The following PCDH9 variants were observed in gnomAD, a reference collection of about 807,000 sequenced individuals.
PCDH9 encodes the protein protocadherin 9.
PCDH9 carries 24 observed loss-of-function variants against 70.6 expected under a neutral mutation model. The observed-to-expected ratio is 0.34, with a 90% CI of 0.25 to 0.48. PCDH9 has a LOEUF of 0.48. Among genes scored for constraint, PCDH9 ranks in the 20% least tolerant of loss-of-function variants. The pLI, the probability that PCDH9 is intolerant of heterozygous loss-of-function variation, is 0.99. For missense variants in PCDH9, 1,281 were observed against 1,503.6 expected, an observed-to-expected ratio of 0.85 and a Z score of 2.45; for synonymous variants, 562 against 558.5, an observed-to-expected ratio of 1.01 and a Z score of -0.09.
chr13:66,575,026 A>C (rs1030631722), intron 4 of PCDH9, among the ~76,000 whole-genome samples: 2 of 151,910 alleles, frequency 1.3e-5, no homozygotes, highest in Non-Finnish European at 2.9e-5. Context: ...TACAAAAATT[A>C]CCTGGGCATG....
chr13:66,482,435 C>T (rs1281878105), intron 4 of PCDH9, among the ~76,000 whole-genome samples: 1 of 152,196 alleles, frequency 6.6e-6, no homozygotes, highest in Non-Finnish European at 1.5e-5. Context: ...GGAGACTTCT[C>T]ATGTTGCTCT....
At chr13:67,099,116 G>T (rs75826894) in intron 2 of PCDH9, among the ~76,000 whole-genome samples, 1 of 152,098 alleles carries the variant, frequency 6.6e-6, no homozygotes, top group Non-Finnish European at 1.5e-5. Flanking sequence ...AGTCACCAAA[G>T]AGTACAGTCA....
chr13:66,682,384 C>G (rs2078338957), intron 3 of PCDH9, among the ~76,000 whole-genome samples: 1 of 116,194 alleles, frequency 8.6e-6, no homozygotes, highest in South Asian at 2.8e-4. Context: ...ATCTATCTAT[C>G]TATCTATCTA....
chr13:67,190,302 G>T (rs976665283), intron 2 of PCDH9, among the ~76,000 whole-genome samples: 1 of 151,918 alleles, frequency 6.6e-6, no homozygotes, highest in South Asian at 2.1e-4. Context: ...AACAGGACAG[G>T]TAAAAACACT....
intron 4 of PCDH9, among the ~76,000 whole-genome samples, chr13:66,475,504 G>A (rs925458292): frequency 6.6e-5 from 10 of 152,092 alleles, no homozygotes; most frequent in Non-Finnish European, 1.2e-4. Context: ...CCATTTGGAA[G>A]TAACATACTA....
Position 66,989,244 on chromosome 13 carries a change from A to AT in PCDH9, c.3037-85640dup, listed in dbSNP as rs546891311. ...TGGGATGTGGAATATTTTAAAAGTC[A>AT]TTTTATAGATAAGTTTATGGTTATC... On this transcript the variant is annotated intron_variant, in intron 2 of 4. Coordinates refer to ENST00000377865, the MANE Select transcript of PCDH9 (RefSeq NM_203487.3). Among the ~76,000 whole-genome samples the AT allele has an allele frequency of 2.4e-4, 37 of 152,084 alleles. 1 individual carries two copies. The highest frequency in any genetic ancestry group is 1.2e-3 in the Admixed American group (18 of 15,254).
chr13:66,982,628 C>T (rs777981738), intron 2 of PCDH9, among the ~76,000 whole-genome samples: 6 of 152,150 alleles, frequency 3.9e-5, no homozygotes, highest in Non-Finnish European at 7.4e-5. Flanking sequence ...AAGTCTTCCT[C>T]TCAGAAATGT....
intron 2 of PCDH9, chr13:67,218,542 T>C (rs1385715241): frequency 6.6e-6 from 1 of 152,052 alleles, no homozygotes; most frequent in African/African-American, 2.4e-5. Context: ...CAGAGAGTGG[T>C]TATTAACAAA....
chr13:66,812,701 ACAAGGACTAATCTTATGAC>A (rs1254047132), intron 3 of PCDH9, among the ~76,000 whole-genome samples: 1 of 152,244 alleles, frequency 6.6e-6, no homozygotes, highest in Non-Finnish European at 1.5e-5. Context: ...AACATACATA[ACAAGGACTAATCTTATGAC>A]CAAGTGACCA....
At chr13:66,983,350 T>G (rs1424917018) in intron 2 of PCDH9, among the ~76,000 whole-genome samples, 4 of 152,140 alleles carry the variant, frequency 2.6e-5, no homozygotes, top group Non-Finnish European at 5.9e-5. Context: ...TGCCGATTAC[T>G]TACAATGAAA....
intron 2 of PCDH9, among the ~76,000 whole-genome samples, chr13:66,918,248 GCA>G (rs2082586788): frequency 6.6e-6 from 1 of 150,864 alleles, no homozygotes; most frequent in Non-Finnish European, 1.5e-5. Flanking sequence ...GGAGAGAGAG[GCA>G]CAGAGAAAAA....
intron 4 of PCDH9, among the ~76,000 whole-genome samples, chr13:66,574,314 G>A (rs2076780895): frequency 6.6e-6 from 1 of 152,104 alleles, no homozygotes; most frequent in Non-Finnish European, 1.5e-5. Flanking sequence ...TTGCCTCCCT[G>A]CTTCCACAAT....
intron 4 of PCDH9, among the ~76,000 whole-genome samples, chr13:66,468,675 A>T (rs1418105511): frequency 2.0e-5 from 3 of 152,196 alleles, no homozygotes; most frequent in Non-Finnish European, 2.9e-5. Context: ...AACCTGGATG[A>T]TAACATAATC....
intron 2 of PCDH9, among the ~76,000 whole-genome samples, chr13:67,125,102 T>C (rs1287724708): frequency 6.6e-6 from 1 of 152,168 alleles, no homozygotes; most frequent in Non-Finnish European, 1.5e-5. Flanking sequence ...TGAGTTTCCT[T>C]GAATATAAAA....
chr13:66,543,566 C>CAAAA (rs200986497), intron 4 of PCDH9, among the ~76,000 whole-genome samples: 5 of 134,736 alleles, frequency 3.7e-5, no homozygotes, highest in Non-Finnish European at 6.4e-5. Flanking sequence ...GACTCCGTTT[C>CAAAA]AAAAAAAAAA....
intron 2 of PCDH9, among the ~76,000 whole-genome samples, chr13:67,073,869 G>T (rs1188901364): frequency 6.6e-6 from 1 of 151,938 alleles, no homozygotes; most frequent in Non-Finnish European, 1.5e-5. Flanking sequence ...AATAAAATGA[G>T]GTACTTCTAC....
intron 3 of PCDH9, among the ~76,000 whole-genome samples, chr13:66,637,100 T>G (rs139722730): frequency 6.6e-6 from 1 of 152,146 alleles, no homozygotes; most frequent in South Asian, 2.1e-4. Flanking sequence ...GTCATAAAGA[T>G]AGTCTATGGT....
At chr13:66,574,321 C>T (rs1051981217) in intron 4 of PCDH9, among the ~76,000 whole-genome samples, 20 of 152,290 alleles carry the variant, frequency 1.3e-4, no homozygotes, top group African/African-American at 4.8e-4. Flanking sequence ...CCTGCTTCCA[C>T]AATCTCATTT....
intron 4 of PCDH9, among the ~76,000 whole-genome samples, chr13:66,508,121 C>A (rs1014882271): frequency 6.6e-6 from 1 of 152,178 alleles, no homozygotes; most frequent in Non-Finnish European, 1.5e-5. Context: ...TGATAGAGAG[C>A]ATTTAAAACA....
Sources: gnomAD v4.1 joint callset for allele counts (sites outside exome capture counted in the v4.1 genomes callset) on GRCh38, gnomAD v4.1.1 for gene constraint, MANE v1.5 for transcripts, NCBI Gene and HGNC (gene_info 2026-07-23, HGNC 2026-07-21) for gene names.